The following ACAD8 variants were observed in gnomAD, a reference collection of about 807,000 sequenced individuals.
ACAD8 encodes acyl-CoA dehydrogenase family member 8.
ACAD8 carries 47 observed loss-of-function variants against 53.1 expected under a neutral mutation model. That is an observed-to-expected ratio of 0.89 (90% CI 0.70 to 1.13). ACAD8 has a LOEUF of 1.13. Ranked by LOEUF, ACAD8 falls within the 50% of genes most tolerant of loss-of-function variation. The probability of loss-of-function intolerance (pLI) is 0.00; values close to 1 mark genes in which losing one functional copy is unlikely to be tolerated. For missense variants in ACAD8, 494 were observed against 535.0 expected, an observed-to-expected ratio of 0.92 and a Z score of 0.76; for synonymous variants, 198 against 201.3, an observed-to-expected ratio of 0.98 and a Z score of 0.14.
Position 134,264,965 on chromosome 11 carries a change from C to G in ACAD8, c.*5C>G, listed in dbSNP as rs369650411. 3 of 1,613,860 alleles carry G rather than the reference C, an allele frequency of 1.9e-6. No individual in the cohort carries two copies. In the African/African-American group the frequency reaches 4.0e-5, roughly 22 times the overall value. On this transcript the variant is annotated 3_prime_UTR_variant, in exon 11 of 11. Transcript: ENST00000281182. Reference sequence around the variant, plus strand: ...AGAAGCCTGCTTCAGGAGTAGAACCCACACTTGTTCTGGCCTGGTGTTCAG... The same window carrying G: ...AGAAGCCTGCTTCAGGAGTAGAACCGACACTTGTTCTGGCCTGGTGTTCAG...
chr11:134,259,298 T>C, intron 5 of ACAD8: 1 of 692,382 alleles, frequency 1.4e-6, no homozygotes, highest in Non-Finnish European at 2.6e-6. Flanking sequence ...TCTATCCTTT[T>C]TATACTCTCT....
chr11:134,264,980 C>T lies in ACAD8; in HGVS notation c.*20C>T. On this transcript the variant is annotated 3_prime_UTR_variant, in exon 11 of 11. Transcript: ENST00000281182. Reference sequence around the variant, plus strand: ...GAGTAGAACCCACACTTGTTCTGGCCTGGTGTTCAGTGCGACTGCAGTCAG... The same window carrying T: ...GAGTAGAACCCACACTTGTTCTGGCTTGGTGTTCAGTGCGACTGCAGTCAG... 6.2e-7 allele frequency: 1 copy of T among 1,613,418 alleles called. No individual in the cohort carries two copies. The highest frequency in any genetic ancestry group is 8.5e-7 in the Non-Finnish European group (1 of 1,179,362).
chr11:134,260,949 T>G, intron 6 of ACAD8, 95 bp from the exon 7 acceptor site: 1 of 1,444,194 alleles, frequency 6.9e-7, no homozygotes, highest in Non-Finnish European at 9.6e-7. Context: ...AAGTCTTGGG[T>G]GCTGAAACCC....
chr11:134,260,066 A>G, intron 6 of ACAD8: 1 of 1,212,844 alleles, frequency 8.2e-7, no homozygotes, highest in South Asian at 1.6e-5. Context: ...CCAGGAAGAG[A>G]CGCTTAGAGA....
In ACAD8 at chr11:134,261,320, G is replaced by A. The variant is rs775062752; in HGVS notation, c.887G>A (p.Arg296Gln). The A allele has an allele frequency of 8.1e-5, 131 of 1,613,920 alleles. 1 individual carries two copies. Among genetic ancestry groups the A allele is most frequent in the Middle Eastern group, 3.3e-4 (2 of 6,084 alleles). ...GCCCACGCCTCTGTCATCCTCACCC[G>A]AGACCACCTCAATGTCCGGAAGCAG... ...GAAHASVILT[R>Q]DHLNVRKQFG... is the part of the protein sequence containing the mutation. Residue 296 changes from arginine to glutamine, a missense_variant, in exon 8 of 11, where the codon CGA becomes CAA. By Grantham distance (43) the Arg-to-Gln change is conservative (BLOSUM62 1). Coordinates refer to ENST00000281182, the MANE Select transcript of ACAD8 (RefSeq NM_014384.3). The surrounding 1 kb of genome is among the most constrained non-coding windows in gnomAD (Gnocchi z 4.2).
At chr11:134,258,404 C>G (rs986938589) in intron 3 of ACAD8, 111 bp from the exon 4 acceptor site, 1 of 752,794 alleles carries the variant, frequency 1.3e-6, no homozygotes, top group African/African-American at 1.7e-5. Context: ...TCCCACTCTT[C>G]TGCTTTACTC....
At position 134,262,560 on chromosome 11, in the gene ACAD8, A is replaced by T; in HGVS notation, c.1133A>T (p.Tyr378Phe). The T allele has an allele frequency of 6.2e-7, 1 of 1,614,084 alleles. No individual in the cohort carries two copies. The highest frequency in any genetic ancestry group is 8.5e-7 in the Non-Finnish European group (1 of 1,180,000). Residue 378 changes from tyrosine (Y) to phenylalanine (F), a missense_variant, in exon 10 of 11, where the codon TAC becomes TTC. Coordinates refer to ENST00000281182, the MANE Select transcript of ACAD8 (RefSeq NM_014384.3). ...TTGCAGATGCACGGGGGCTACGGCT[A>T]CCTGAAGGATTACGCTGTTCAGCAG... ...QALQMHGGYG[Y>F]LKDYAVQQYV...
intron 4 of ACAD8, 111 bp downstream of exon 4, chr11:134,258,735 A>G (rs562700005): frequency 1.0e-5 from 9 of 872,420 alleles, no homozygotes; most frequent in Non-Finnish European, 1.5e-5. Flanking sequence ...CTGTTTATCT[A>G]GCTGTTTGGT....
intron 5 of ACAD8, 96 bp downstream of exon 5, chr11:134,259,180 A>T: frequency 1.8e-6 from 2 of 1,103,200 alleles, no homozygotes; most frequent in Non-Finnish European, 2.8e-6. Flanking sequence ...TAATACTCCC[A>T]TAGGATTTTT....
rs1351509097 is a variant in ACAD8 at position 134,264,998 on chromosome 11, G to A, written c.*38G>A. On this transcript the variant is annotated 3_prime_UTR_variant, in exon 11 of 11. Coordinates refer to ENST00000281182, the MANE Select transcript of ACAD8 (RefSeq NM_014384.3). ...TTCTGGCCTGGTGTTCAGTGCGACTGCAGTCAGTGTTGAGTGGTGCCATGT... is the reference window on the plus strand; with the variant it reads ...TTCTGGCCTGGTGTTCAGTGCGACTACAGTCAGTGTTGAGTGGTGCCATGT... 2 of 1,605,472 alleles carry A rather than the reference G, an allele frequency of 1.2e-6. No individual in the cohort carries two copies. Among genetic ancestry groups the A allele is most frequent in the Non-Finnish European group, 1.7e-6 (2 of 1,172,236 alleles).
At chr11:134,263,864 C>G (rs1940043363) in intron 10 of ACAD8, 1 of 985,254 alleles carries the variant, frequency 1.0e-6, no homozygotes, top group Non-Finnish European at 1.2e-6. Flanking sequence ...ACAGTTTATG[C>G]TTTATTTGAG....
intron 2 of ACAD8, 180 bp from the exon 3 acceptor site, chr11:134,256,908 C>A (rs999380089): frequency 4.3e-6 from 3 of 705,280 alleles, no homozygotes; most frequent in Non-Finnish European, 7.1e-6. Flanking sequence ...CTTCTTAATG[C>A]CAGAACAAGT....
intron 5 of ACAD8, 103 bp downstream of exon 5, chr11:134,259,187 T>C: frequency 9.8e-7 from 1 of 1,015,690 alleles, no homozygotes; most frequent in Middle Eastern, 2.0e-4. Context: ...CCCATAGGAT[T>C]TTTATGTGTT....
chr11:134,263,519 G>A (rs770159207), intron 10 of ACAD8: 7 of 985,392 alleles, frequency 7.1e-6, no homozygotes, highest in East Asian at 1.1e-4. Flanking sequence ...GAGACCCACC[G>A]CTCTGGTGTT....
chr11:134,260,884 C>A, intron 6 of ACAD8, 160 bp from the exon 7 acceptor site: 2 of 749,782 alleles, frequency 2.7e-6, no homozygotes, highest in South Asian at 1.6e-5. Context: ...TGAGTGCTGA[C>A]AGGCCTTTAA....
In ACAD8 at chr11:134,255,753, C is replaced by T. The variant is rs532742086; in HGVS notation, c.110-795C>T. Among the ~76,000 whole-genome samples the T allele has an allele frequency of 5.9e-5, 9 of 152,314 alleles. No homozygotes were observed. The South Asian group carries it at 1.2e-3, about 21-fold the overall frequency. Reference sequence around the variant, plus strand: ...CAGAAAGCAGTGCCCTCTCCAGGCTCGCATAGCCAGCCATTACTGATGCCC... The same window carrying T: ...CAGAAAGCAGTGCCCTCTCCAGGCTTGCATAGCCAGCCATTACTGATGCCC... On this transcript the variant is annotated intron_variant, in intron 1 of 10. Coordinates refer to ENST00000281182, the MANE Select transcript of ACAD8 (RefSeq NM_014384.3).
At chr11:134,258,276 A>G (rs1295928623) in intron 3 of ACAD8, 2 of 572,574 alleles carry the variant, frequency 3.5e-6, no homozygotes, top group Non-Finnish European at 6.3e-6. Context: ...TAGAAGTAGT[A>G]CAAACGTGCT....
chr11:134,254,041 G>A (rs1223705143), intron 1 of ACAD8, among the ~76,000 whole-genome samples: 6 of 149,988 alleles, frequency 4.0e-5, no homozygotes, highest in Non-Finnish European at 7.4e-5. Context: ...GTTCCCCTCC[G>A]GCCGGTCATC....
At chr11:134,264,260 G>A (rs752357891) in intron 10 of ACAD8, among the ~76,000 whole-genome samples, 8 of 152,184 alleles carry the variant, frequency 5.3e-5, no homozygotes, top group East Asian at 3.8e-4. Context: ...CAGGAAGATC[G>A]CTTGAACCCA....
Sources: gnomAD v4.1 joint callset for allele counts (sites outside exome capture counted in the v4.1 genomes callset) on GRCh38, gnomAD v4.1.1 for gene constraint, Gnocchi (gnomAD v3.1) non-coding constraint, MANE v1.5 for transcripts, NCBI Gene and HGNC (gene_info 2026-07-23, HGNC 2026-07-21) for gene names.